PDZD2: variants seen among roughly 807,000 people sequenced by gnomAD.
PDZD2 encodes PDZ domain containing 2, also known as PDZ domain-containing protein 2.
PDZD2 carries 90 observed loss-of-function variants against 220.7 expected under a neutral mutation model. The ratio of observed to expected loss-of-function variants is 0.41; its 90% CI spans 0.34 to 0.49. PDZD2 has a LOEUF of 0.49. Ranked by LOEUF, PDZD2 falls within the 20% of genes least tolerant of loss-of-function variation. The pLI, the probability that PDZD2 is intolerant of heterozygous loss-of-function variation, is 0.28. For missense variants in PDZD2, 3,174 were observed against 3,608.5 expected (o/e 0.88, Z 3.08); for synonymous variants, 1,375 against 1,450.5 (o/e 0.95, Z 1.18).
chr5:31,748,501 C>G (rs919332403), intron 1 of PDZD2, among the ~76,000 whole-genome samples: 1 of 152,188 alleles, frequency 6.6e-6, no homozygotes, highest in African/African-American at 2.4e-5. Flanking sequence ...CCAAGCTGCT[C>G]TCATTGAACC....
Position 32,048,693 on chromosome 5 carries a change from A to C in PDZD2, c.1665+9A>C, listed in dbSNP as rs1338000335. On this transcript the variant is annotated intron_variant, in intron 8 of 24. Transcript: ENST00000438447. ...CTTCCAGTGCCTCACAGGTCCGACCAGGGCTGTGGATCTTTTCAAAGACCA... is the reference window on the plus strand; with the variant it reads ...CTTCCAGTGCCTCACAGGTCCGACCCGGGCTGTGGATCTTTTCAAAGACCA... The C allele has an allele frequency of 6.2e-7, 1 of 1,613,630 alleles. No homozygotes were observed. The highest frequency in any genetic ancestry group is 8.5e-7 in the Non-Finnish European group (1 of 1,179,738).
chr5:31,653,773 A>G (rs4867358), intron 1 of PDZD2, among the ~76,000 whole-genome samples: 114,994 of 150,388 alleles, frequency 0.76, 44,530 homozygotes, highest in Non-Finnish European at 0.85. Context: ...GAAGACAGAC[A>G]TTCAGTATAT....
intron 2 of PDZD2, among the ~76,000 whole-genome samples, chr5:31,919,356 G>A (rs1340940336): frequency 1.3e-5 from 1 of 75,458 alleles, no homozygotes; most frequent in Non-Finnish European, 2.3e-5. Context: ...TCATTGTCTT[G>A]TCTTTTTTTT....
At chr5:31,778,806 A>G (rs1752876868) in intron 1 of PDZD2, among the ~76,000 whole-genome samples, 1 of 152,140 alleles carries the variant, frequency 6.6e-6, no homozygotes, top group South Asian at 2.1e-4. Flanking sequence ...TAAATCAGTA[A>G]AGTAATAAAT....
chr5:31,671,445 G>A (rs964205857), intron 1 of PDZD2, among the ~76,000 whole-genome samples: 2 of 152,204 alleles, frequency 1.3e-5, no homozygotes, highest in African/African-American at 4.8e-5. Flanking sequence ...GCAATGTCAT[G>A]TCAGGACACT....
At position 32,076,288 on chromosome 5, in the gene PDZD2, G is replaced by GA. The variant is rs67898034; in HGVS notation, c.3538-1153dup. On this transcript the variant is annotated intron_variant, in intron 18 of 24. Coordinates refer to ENST00000438447, the MANE Select transcript of PDZD2 (RefSeq NM_178140.4). ...GTGACAGAGCAAGACTCGGTCTCAA[G>GA]AAAAAAAAAAAAAAAAAAAAACAAA... is the stretch of plus-strand genomic sequence containing the variant. Among the ~76,000 whole-genome samples the GA allele has an allele frequency of 3.9e-3, 347 of 87,884 alleles. 2 individuals are homozygous for GA. Among genetic ancestry groups the GA allele is most frequent in the East Asian group, 0.014 (47 of 3,412 alleles). The allele number at this position is 87,884 out of a possible 152,430, so 57.7% of individuals were successfully genotyped here.
At chr5:31,953,932 A>G (rs1747417390) in intron 2 of PDZD2, among the ~76,000 whole-genome samples, 1 of 152,070 alleles carries the variant, frequency 6.6e-6, no homozygotes, top group Non-Finnish European at 1.5e-5. Context: ...TACAGGTGTG[A>G]GCCATCGCAC....
intron 5 of PDZD2, among the ~76,000 whole-genome samples, chr5:32,001,662 G>A (rs1454362159): frequency 6.6e-6 from 1 of 152,214 alleles, no homozygotes; most frequent in East Asian, 1.9e-4. Flanking sequence ...CTGAGCCTCA[G>A]CATCTCCTTC....
chr5:31,738,379 T>C (rs1446126389), intron 1 of PDZD2: 1 of 152,358 alleles, frequency 6.6e-6, no homozygotes, highest in Non-Finnish European at 1.5e-5. Context: ...GCACAGCTGG[T>C]TCCAGGCTGG....
intron 1 of PDZD2, chr5:31,725,792 T>G: frequency 1.0e-6 from 1 of 955,522 alleles, no homozygotes; most frequent in Non-Finnish European, 1.7e-6. Context: ...TGATTTGGAT[T>G]TAGATCTTGA....
intron 6 of PDZD2, among the ~76,000 whole-genome samples, chr5:32,026,312 T>C (rs1754658277): frequency 6.6e-6 from 1 of 152,030 alleles, no homozygotes; most frequent in Non-Finnish European, 1.5e-5. Flanking sequence ...AGATTTTGTA[T>C]TTTTTGTAGA....
In PDZD2 at chr5:31,896,323, C is replaced by CGTGTGTGTGTGTGTGT. The variant is rs35229609; in HGVS notation, c.477-86803_477-86788dup. 2.0e-3 allele frequency among the ~76,000 whole-genome samples: 276 copies of CGTGTGTGTGTGTGTGT among 136,458 alleles called. 1 individual carries two copies. The highest frequency in any genetic ancestry group is 7.1e-3 in the African/African-American group (262 of 36,792). The allele number at this position is 136,458 out of a possible 152,430, so 89.5% of individuals were successfully genotyped here. A position where few individuals can be genotyped will look rare whatever the true frequency, so the allele number is the denominator to read the frequency against. On this transcript the variant is annotated intron_variant, in intron 2 of 24. Transcript: ENST00000438447. ...TCATCAGATTCCTATTTGATACTCTCGTGTGTGTGTGTGTGTGTGTGTGTG... is the reference window on the plus strand; with the variant it reads ...TCATCAGATTCCTATTTGATACTCTCGTGTGTGTGTGTGTGTGTGTGTGTGTGTGTGTGTGTGTGTG...
At chr5:31,864,967 G>GCC (rs552655125) in intron 2 of PDZD2, among the ~76,000 whole-genome samples, 6 of 147,314 alleles carry the variant, frequency 4.1e-5, no homozygotes, top group African/African-American at 1.2e-4. Flanking sequence ...TCCTGCCTCA[G>GCC]CCCCCCGAGT....
At position 31,868,432 on chromosome 5, in the gene PDZD2, C is replaced by T. The variant is rs148301438; in HGVS notation, c.476+68708C>T. On this transcript the variant is annotated intron_variant, in intron 2 of 24. Transcript: ENST00000438447. ...CTGCACTCCAGCCTGGACGACAGAG[C>T]GAGACTCCATCTCAAAATAAATAAA... Among the ~76,000 whole-genome samples, 256 of 152,168 alleles carry T rather than the reference C, an allele frequency of 1.7e-3. 1 individual carries two copies. The highest frequency in any genetic ancestry group is 1.9e-3 in the Admixed American group (29 of 15,288).
rs77088264 is a variant in PDZD2, at chr5:31,682,852, C to T, written c.-361+43415C>T. On this transcript the variant is annotated intron_variant, in intron 1 of 24. Coordinates refer to ENST00000438447, the MANE Select transcript of PDZD2 (RefSeq NM_178140.4). ...TACCTTTTGTATCCTCCACCCCTCC[C>T]TTTCCCCTGACTTTCCAGCCATAAG... is the stretch of plus-strand genomic sequence containing the variant. Among the ~76,000 whole-genome samples the T allele has an allele frequency of 2.8e-4, 43 of 152,188 alleles. No homozygotes were observed. The East Asian group carries it at 7.8e-3, about 27-fold the overall frequency.
chr5:32,007,640 C>T (rs1752936069), intron 5 of PDZD2, among the ~76,000 whole-genome samples: 1 of 152,198 alleles, frequency 6.6e-6, no homozygotes, highest in Non-Finnish European at 1.5e-5. Flanking sequence ...GGGTTTCATT[C>T]ATTTATTTTT....
Position 31,982,377 on chromosome 5 carries a change from G to A in PDZD2, c.477-778G>A, listed in dbSNP as rs551830434. Among the ~76,000 whole-genome samples, 105 of 152,244 alleles carry A rather than the reference G, an allele frequency of 6.9e-4. 1 individual carries two copies. The highest frequency in any genetic ancestry group is 2.5e-3 in the African/African-American group (102 of 41,552). On this transcript the variant is annotated intron_variant, in intron 2 of 24. Coordinates refer to ENST00000438447, the MANE Select transcript of PDZD2 (RefSeq NM_178140.4). Reference sequence around the variant, plus strand: ...GGCTGGAATGCAGTGGCGTGATCTCGGTTCACTGCAGCCTCTGTCTCCCAG... The same window carrying A: ...GGCTGGAATGCAGTGGCGTGATCTCAGTTCACTGCAGCCTCTGTCTCCCAG...
intron 2 of PDZD2, among the ~76,000 whole-genome samples, chr5:31,909,582 C>T (rs1416037352): frequency 6.6e-6 from 1 of 151,834 alleles, no homozygotes; most frequent in African/African-American, 2.4e-5. Flanking sequence ...AGGTTTTTGG[C>T]CAACATTAAT....
At chr5:31,762,188 G>T (rs928840462) in intron 1 of PDZD2, among the ~76,000 whole-genome samples, 5 of 152,202 alleles carry the variant, frequency 3.3e-5, no homozygotes, top group Non-Finnish European at 5.9e-5. Context: ...TGAGATTTGG[G>T]CTGGGACACA....
Sources: gnomAD v4.1 joint callset for allele counts (sites outside exome capture counted in the v4.1 genomes callset) on GRCh38, gnomAD v4.1.1 for gene constraint, MANE v1.5 for transcripts, NCBI Gene and HGNC (gene_info 2026-07-23, HGNC 2026-07-21) for gene names.